The following DENND1A variants were observed in gnomAD, a reference collection of about 807,000 sequenced individuals.
DENND1A encodes the protein DENN domain containing 1A.
In DENND1A, 51 loss-of-function variants were observed where a neutral mutation model predicts 113.7. The ratio of observed to expected loss-of-function variants is 0.45; its 90% CI spans 0.36 to 0.57. The LOEUF (loss-of-function observed/expected upper bound fraction) is 0.57. DENND1A is among the 20% of genes least tolerant of loss of function. DENND1A has a pLI of 0.00. For synonymous variants in DENND1A, 565 were observed against 570.8 expected, an observed-to-expected ratio of 0.99 and a Z score of 0.14; for missense variants, 1,258 against 1,395.9, an observed-to-expected ratio of 0.90 and a Z score of 1.57.
Position 123,422,930 on chromosome 9 carries a change from A to T in DENND1A, c.1489-11101T>A, listed in dbSNP as rs2045420209. Among the ~76,000 whole-genome samples, 1 of 152,208 alleles carries T rather than the reference A, an allele frequency of 6.6e-6. No individual in the cohort carries two copies. The highest frequency in any genetic ancestry group is 1.5e-5 in the Non-Finnish European group (1 of 68,036). On this transcript the variant is annotated intron_variant, in intron 19 of 23. Transcript: ENST00000394215. This position sits in a 1 kb window ranked among gnomAD's most constrained non-coding sequence, Gnocchi z 4.8. ...GTGCCAGCAGTTCGACTGCCTTATT[A>T]AACACCGCCAGGATCCTAACGAAGA...
intron 13 of DENND1A, among the ~76,000 whole-genome samples, chr9:123,469,374 AG>A (rs1275137018): frequency 2.0e-5 from 3 of 152,256 alleles, no homozygotes; most frequent in East Asian, 3.8e-4. Flanking sequence ...CCGGGCTGCC[AG>A]TATTTGCCCA....
intron 2 of DENND1A, among the ~76,000 whole-genome samples, chr9:123,846,607 A>T (rs1842655985): frequency 6.6e-6 from 1 of 152,220 alleles, no homozygotes; most frequent in African/African-American, 2.4e-5. Context: ...GAAAAGGACA[A>T]ATAATATATG....
At chr9:123,446,945 T>C (rs886192305) in intron 18 of DENND1A, among the ~76,000 whole-genome samples, 4 of 152,242 alleles carry the variant, frequency 2.6e-5, no homozygotes, top group Admixed American at 6.5e-5. Context: ...GGTTCCTCAA[T>C]AGGCAAAAGA....
At chr9:123,770,963 T>G (rs1431467356) in intron 3 of DENND1A, among the ~76,000 whole-genome samples, 1 of 152,210 alleles carries the variant, frequency 6.6e-6, no homozygotes, top group African/African-American at 2.4e-5. Flanking sequence ...ATGTTCCGCC[T>G]ACATAATTCA....
intron 13 of DENND1A, among the ~76,000 whole-genome samples, chr9:123,530,888 T>C (rs1286013962): frequency 1.3e-5 from 2 of 152,184 alleles, no homozygotes; most frequent in Non-Finnish European, 2.9e-5. Context: ...TAACAATATA[T>C]GGTAATAAAA....
Position 123,381,104 on chromosome 9 carries a change from A to C in DENND1A, c.*328T>G. ...AGCCTCTTGGGACACTTCCGGGGGA[A>C]GGTGGGTAGGACTCGGTCTGGAGCA... On this transcript the variant is annotated 3_prime_UTR_variant, in exon 24 of 24. Coordinates refer to ENST00000394215, the MANE Select transcript of DENND1A (RefSeq NM_001352964.2). This position sits in a 1 kb window ranked among gnomAD's most constrained non-coding sequence, Gnocchi z 4.7. 3.3e-6 allele frequency: 1 copy of C among 306,220 alleles called. No individual in the cohort carries two copies. The highest frequency in any genetic ancestry group is 6.2e-6 in the Non-Finnish European group (1 of 161,728). The allele number at this position is 306,220 out of a possible 1,614,324, so 19.0% of individuals were successfully genotyped here. A position where few individuals can be genotyped will look rare whatever the true frequency, so the allele number is the denominator to read the frequency against.
At chr9:123,862,699 T>C (rs1431762310) in intron 2 of DENND1A, among the ~76,000 whole-genome samples, 3 of 152,170 alleles carry the variant, frequency 2.0e-5, no homozygotes, top group Admixed American at 6.5e-5. Context: ...TCTGTTCCTC[T>C]ACCTTCCTTC....
chr9:123,542,138 CAT>C (rs143645559), intron 13 of DENND1A, among the ~76,000 whole-genome samples: 9,479 of 152,272 alleles, frequency 0.062, 351 homozygotes, highest in Non-Finnish European at 0.074. Context: ...AGTCAATCAA[CAT>C]ATGTGAATTT....
chr9:123,432,372 C>A lies in DENND1A; in HGVS notation c.1488+7988G>T, dbSNP rs548323637. Among the ~76,000 whole-genome samples, 8 of 152,312 alleles carry A rather than the reference C, an allele frequency of 5.3e-5. No individual in the cohort carries two copies. In the East Asian group the frequency reaches 1.5e-3, roughly 29 times the overall value. ...TAGCCAGCCACCCTCATCAGGGAGACCTGAGAAATGCACCACCAATTAGGG... is the reference window on the plus strand; with the variant it reads ...TAGCCAGCCACCCTCATCAGGGAGAACTGAGAAATGCACCACCAATTAGGG... On this transcript the variant is annotated intron_variant, in intron 19 of 23. Transcript: ENST00000394215.
At chr9:123,545,605 T>A (rs1325705276) in intron 13 of DENND1A, among the ~76,000 whole-genome samples, 1 of 152,022 alleles carries the variant, frequency 6.6e-6, no homozygotes, top group Non-Finnish European at 1.5e-5. Flanking sequence ...TAGCTGGGAC[T>A]ACAGGCGCCC....
At chr9:123,915,606 G>C (rs1008682991) in intron 1 of DENND1A, among the ~76,000 whole-genome samples, 1 of 152,054 alleles carries the variant, frequency 6.6e-6, no homozygotes, top group African/African-American at 2.4e-5. Flanking sequence ...GTAGAAGAGA[G>C]AAGTACTATA....
rs187010250 is a variant in DENND1A at position 123,727,944 on chromosome 9, A to T, written c.302+29759T>A. Among the ~76,000 whole-genome samples, 951 of 151,942 alleles carry T rather than the reference A, an allele frequency of 6.3e-3. 33 individuals are homozygous for T. The highest frequency in any genetic ancestry group is 0.059 in the Admixed American group (900 of 15,238). On this transcript the variant is annotated intron_variant, in intron 5 of 23. Transcript: ENST00000394215. Reference sequence around the variant, plus strand: ...ACACAGTGAAACCCCATCTCTACTAAAAATACAAAATATTAGCCAGGCATT... The same window carrying T: ...ACACAGTGAAACCCCATCTCTACTATAAATACAAAATATTAGCCAGGCATT...
chr9:123,382,640 G>T lies in DENND1A; in HGVS notation c.2020-15C>A. 2 of 1,613,522 alleles carry T rather than the reference G, an allele frequency of 1.2e-6. No homozygotes were observed. Among genetic ancestry groups the T allele is most frequent in the Non-Finnish European group, 1.7e-6 (2 of 1,179,754 alleles). On this transcript the variant is annotated splice_polypyrimidine_tract_variant and intron_variant, in intron 23 of 23. Coordinates refer to ENST00000394215, the MANE Select transcript of DENND1A (RefSeq NM_001352964.2). ...AGATCCAGCCTCTGTTGGGAGGGAA[G>T]GAGGGCGGCAGTGACCACGGGCTGA...
rs75031731 is a variant in DENND1A at position 123,512,972 on chromosome 9, A to G, written c.993+44598T>C. ...CAACTCAGGTAAAAGACATGCTACC[A>G]TATCTTAAAACAGTCTCAGAATTCT... On this transcript the variant is annotated intron_variant, in intron 13 of 23. Transcript: ENST00000394215. Among the ~76,000 whole-genome samples, 1,173 of 152,356 alleles carry G rather than the reference A, an allele frequency of 7.7e-3. 16 individuals carry two copies. The highest frequency in any genetic ancestry group is 0.026 in the African/African-American group (1,069 of 41,582).
intron 9 of DENND1A, among the ~76,000 whole-genome samples, chr9:123,647,718 A>G (rs537530647): frequency 2.1e-4 from 32 of 152,308 alleles, no homozygotes; most frequent in African/African-American, 6.7e-4. Context: ...TTAGAGACAT[A>G]ATCATATTGA....
At chr9:123,782,951 GACTGAAGTTAC>G (rs1315595394) in intron 3 of DENND1A, among the ~76,000 whole-genome samples, 1 of 149,964 alleles carries the variant, frequency 6.7e-6, no homozygotes, top group Non-Finnish European at 1.5e-5. Flanking sequence ...ATCTGAAACT[GACTGAAGTTAC>G]ACAGTTGAAA....
intron 13 of DENND1A, among the ~76,000 whole-genome samples, chr9:123,546,771 C>T (rs1351765504): frequency 6.6e-6 from 1 of 152,080 alleles, no homozygotes; most frequent in Admixed American, 6.6e-5. Context: ...AAGAAAGGAG[C>T]CAGGATTATT....
At chr9:123,670,585 C>G (rs907009917) in intron 7 of DENND1A, among the ~76,000 whole-genome samples, 1 of 152,130 alleles carries the variant, frequency 6.6e-6, no homozygotes, top group African/African-American at 2.4e-5. Flanking sequence ...GAGCACAGTG[C>G]AGAACATGTA....
At chr9:123,815,616 G>A (rs984431902) in intron 2 of DENND1A, among the ~76,000 whole-genome samples, 3 of 152,138 alleles carry the variant, frequency 2.0e-5, no homozygotes, top group Non-Finnish European at 2.9e-5. Flanking sequence ...AATAAGTTAA[G>A]TTCTAATAGC....
Sources: gnomAD v4.1 joint callset for allele counts (sites outside exome capture counted in the v4.1 genomes callset) on GRCh38, gnomAD v4.1.1 for gene constraint, Gnocchi (gnomAD v3.1) non-coding constraint, MANE v1.5 for transcripts, NCBI Gene and HGNC (gene_info 2026-07-23, HGNC 2026-07-21) for gene names.